TIMP2: variants seen among roughly 807,000 people sequenced by gnomAD.
The protein encoded by TIMP2 is TIMP metallopeptidase inhibitor 2.
TIMP2 carries 5 observed loss-of-function variants against 24.3 expected under a neutral mutation model. That is an observed-to-expected ratio of 0.21 (90% CI 0.11 to 0.43). The LOEUF is 0.43. TIMP2 is among the 20% of genes least tolerant of loss of function. The pLI, the probability that TIMP2 is intolerant of heterozygous loss-of-function variation, is 1.00. For synonymous variants in TIMP2, 130 were observed against 123.2 expected (o/e 1.06, Z -0.37); for missense variants, 221 against 297.5 (o/e 0.74, Z 1.89).
rs1159346436 is a variant in TIMP2 at position 78,896,033 on chromosome 17, G to A, written c.131-22114C>T. 2.0e-5 allele frequency among the ~76,000 whole-genome samples: 3 copies of A among 152,228 alleles called. No individual in the cohort carries two copies. The highest frequency in any genetic ancestry group is 2.1e-4 in the South Asian group (1 of 4,830). ...TCAGTTTTCCTGGAGACACGCAAAC[G>A]GGTAAAAACTTAACACATTTGGGCA... On this transcript the variant is annotated intron_variant, in intron 1 of 4. Coordinates refer to ENST00000262768, the MANE Select transcript of TIMP2 (RefSeq NM_003255.5). The surrounding 1 kb of genome is among the most constrained non-coding windows in gnomAD (Gnocchi z 4.4).
chr17:78,902,318 G>C (rs916571109), intron 1 of TIMP2, among the ~76,000 whole-genome samples: 2 of 152,198 alleles, frequency 1.3e-5, no homozygotes, highest in African/African-American at 4.8e-5. Context: ...ATATTGGTCA[G>C]ACTGGTTACA....
At position 78,896,838 on chromosome 17, in the gene TIMP2, C is replaced by T. The variant is rs898098265; in HGVS notation, c.131-22919G>A. The T allele has an allele frequency of 7.6e-6, 6 of 792,740 alleles. No individual in the cohort carries two copies. The highest frequency in any genetic ancestry group is 7.5e-5 in the African/African-American group (4 of 53,216). 49.1% of individuals were successfully genotyped at this position (792,740 alleles called of 1,614,324 possible). ...CTTGCTCTCTACAGCCCCGTGGCCC[C>T]AGCGCAGGAGCCAGCCCATGGCAGC... On this transcript the variant is annotated intron_variant, in intron 1 of 4. Transcript: ENST00000262768. This position sits in a 1 kb window ranked among gnomAD's most constrained non-coding sequence, Gnocchi z 4.4.
intron 1 of TIMP2, among the ~76,000 whole-genome samples, chr17:78,919,329 T>C (rs2070290346): frequency 6.6e-6 from 1 of 152,112 alleles, no homozygotes; most frequent in South Asian, 2.1e-4. Context: ...TCCTTGTGGG[T>C]CCCCCTGAAT....
chr17:78,882,658 A>C lies in TIMP2; in HGVS notation c.131-8739T>G, dbSNP rs1213817977. On this transcript the variant is annotated intron_variant, in intron 1 of 4. Transcript: ENST00000262768. ...CAGCTGGAGCAGCAGAAGTGGCCAC[A>C]AACGCCACCAGGGATGGCAGACGGT... 1.3e-5 allele frequency among the ~76,000 whole-genome samples: 2 copies of C among 152,238 alleles called. 1 individual carries two copies. Among genetic ancestry groups the C allele is most frequent in the Admixed American group, 1.3e-4 (2 of 15,282 alleles).
chr17:78,907,487 A>G (rs1331859938), intron 1 of TIMP2, among the ~76,000 whole-genome samples: 1 of 152,240 alleles, frequency 6.6e-6, no homozygotes, highest in Non-Finnish European at 1.5e-5. Context: ...TAACTTTGCC[A>G]TCTCATGTGG....
At chr17:78,914,455 G>T (rs1296615286) in intron 1 of TIMP2, among the ~76,000 whole-genome samples, 1 of 151,684 alleles carries the variant, frequency 6.6e-6, no homozygotes, top group Non-Finnish European at 1.5e-5. Context: ...GCTAATTTTT[G>T]TATTTTTAGT....
chr17:78,873,887 C>A lies in TIMP2; in HGVS notation c.163G>T (p.Val55Leu). 1 of 1,613,514 alleles carries A rather than the reference C, an allele frequency of 6.2e-7. No individual in the cohort carries two copies. Among genetic ancestry groups the A allele is most frequent in the Non-Finnish European group, 8.5e-7 (1 of 1,180,008 alleles). Residue 55 changes from valine to leucine, a missense_variant, in exon 2 of 5, where the codon GTG (valine) becomes TTG (leucine). By Grantham distance (32) the Val-to-Leu change is conservative. Coordinates refer to ENST00000262768, the MANE Select transcript of TIMP2 (RefSeq NM_003255.5). ...CCATAAATGTCGTTTCCAGAGTCCA[C>A]TTCCTTCTCACTGACCGCTTTGGCC... is the stretch of plus-strand genomic sequence containing the variant. ...IRAKAVSEKE[V>L]DSGNDIYGNP...
intron 1 of TIMP2, among the ~76,000 whole-genome samples, chr17:78,880,157 C>T (rs980346476): frequency 2.0e-5 from 3 of 152,202 alleles, no homozygotes; most frequent in Admixed American, 6.5e-5. Context: ...ACTCCAACCA[C>T]GCCAGCCCCA....
chr17:78,884,722 G>A (rs1411749496), intron 1 of TIMP2, among the ~76,000 whole-genome samples: 1 of 152,188 alleles, frequency 6.6e-6, no homozygotes, highest in East Asian at 1.9e-4. Flanking sequence ...AGTGCAGGCT[G>A]CACCCCAGCC....
intron 2 of TIMP2, among the ~76,000 whole-genome samples, chr17:78,872,020 T>A (rs1472080965): frequency 6.6e-6 from 1 of 151,960 alleles, no homozygotes; most frequent in Non-Finnish European, 1.5e-5. Context: ...CAGGAATTTT[T>A]TATTTTTTTG....
At chr17:78,873,048 C>G (rs904772810) in intron 2 of TIMP2, among the ~76,000 whole-genome samples, 10 of 152,086 alleles carry the variant, frequency 6.6e-5, no homozygotes, top group Non-Finnish European at 1.3e-4. Flanking sequence ...CCAGGCTGGT[C>G]TTGAACTCCT....
intron 3 of TIMP2, among the ~76,000 whole-genome samples, chr17:78,866,256 G>C (rs1358821408): frequency 6.6e-6 from 1 of 152,136 alleles, no homozygotes; most frequent in African/African-American, 2.4e-5. Flanking sequence ...CCATGCCTCT[G>C]CCACGCGCCA....
intron 4 of TIMP2, chr17:78,856,260 C>T (rs2069524205): frequency 4.7e-6 from 1 of 214,456 alleles, no homozygotes; most frequent in Non-Finnish European, 9.6e-6. Context: ...TCATCGGCAA[C>T]TAGCAATTTG....
At chr17:78,910,366 T>C (rs1235527911) in intron 1 of TIMP2, among the ~76,000 whole-genome samples, 1 of 152,044 alleles carries the variant, frequency 6.6e-6, no homozygotes, top group African/African-American at 2.4e-5. Flanking sequence ...CTAATTTTTA[T>C]ATTTTTAGTA....
chr17:78,880,751 G>A (rs976239651), intron 1 of TIMP2, among the ~76,000 whole-genome samples: 1 of 152,204 alleles, frequency 6.6e-6, no homozygotes, highest in African/African-American at 2.4e-5. Context: ...CACACTCATT[G>A]AATTCTCTTT....
intron 1 of TIMP2, among the ~76,000 whole-genome samples, chr17:78,892,688 T>G (rs933333302): frequency 1.1e-4 from 16 of 152,216 alleles, no homozygotes; most frequent in Non-Finnish European, 2.1e-4. Flanking sequence ...GAGTGTGGTG[T>G]TGTTTCCCAG....
rs2070004451 is a variant in TIMP2 at position 78,896,633 on chromosome 17, C to A, written c.131-22714G>T. Among the ~76,000 whole-genome samples, 1 of 152,120 alleles carries A rather than the reference C, an allele frequency of 6.6e-6. No individual in the cohort carries two copies. Among genetic ancestry groups the A allele is most frequent in the Admixed American group, 6.5e-5 (1 of 15,270 alleles). ...CCTGCTGCCCTCTGGTCCTGCCACC[C>A]CGAGCTGACAAGCCTGCCTTCTGCT... On this transcript the variant is annotated intron_variant, in intron 1 of 4. Transcript: ENST00000262768. The surrounding 1 kb of genome is among the most constrained non-coding windows in gnomAD (Gnocchi z 4.4).
intron 1 of TIMP2, among the ~76,000 whole-genome samples, chr17:78,888,141 A>G (rs1006215161): frequency 5.3e-5 from 8 of 151,110 alleles, no homozygotes; most frequent in East Asian, 1.9e-4. Context: ...CAGCAGGTAT[A>G]TATCTTTTTG....
intron 1 of TIMP2, among the ~76,000 whole-genome samples, chr17:78,895,605 C>G (rs987770861): frequency 6.6e-6 from 1 of 152,216 alleles, no homozygotes; most frequent in African/African-American, 2.4e-5. Context: ...CAGACTTACC[C>G]TATGACCCAG....
Sources: gnomAD v4.1 joint callset for allele counts (sites outside exome capture counted in the v4.1 genomes callset) on GRCh38, gnomAD v4.1.1 for gene constraint, Gnocchi (gnomAD v3.1) non-coding constraint, MANE v1.5 for transcripts, NCBI Gene and HGNC (gene_info 2026-07-23, HGNC 2026-07-21) for gene names.